The following SLC30A8 variants were observed in gnomAD, a reference collection of about 807,000 sequenced individuals.
SLC30A8 encodes solute carrier family 30 member 8, also known as proton-coupled zinc antiporter SLC30A8.
In SLC30A8, 27 loss-of-function variants were observed where a neutral mutation model predicts 36.9. The ratio of observed to expected loss-of-function variants is 0.73; its 90% CI spans 0.54 to 1.01. The LOEUF (loss-of-function observed/expected upper bound fraction) is 1.01. SLC30A8 is among the 50% of genes least tolerant of loss of function. The probability of loss-of-function intolerance (pLI) is 0.00; values close to 1 mark genes in which losing one functional copy is unlikely to be tolerated. For missense variants in SLC30A8, 439 were observed against 452.0 expected, an observed-to-expected ratio of 0.97 and a Z score of 0.26; for synonymous variants, 164 against 172.4, an observed-to-expected ratio of 0.95 and a Z score of 0.38.
intron 1 of SLC30A8, among the ~76,000 whole-genome samples, chr8:116,986,221 T>C (rs1010631242): frequency 1.3e-5 from 2 of 151,988 alleles, no homozygotes; most frequent in African/African-American, 4.8e-5. Flanking sequence ...CCCACACATA[T>C]ATGTGTTCAT....
intron 1 of SLC30A8, among the ~76,000 whole-genome samples, chr8:116,961,196 G>A (rs559966088): frequency 3.0e-4 from 46 of 152,316 alleles, no homozygotes; most frequent in African/African-American, 9.9e-4. Flanking sequence ...TTGGGAGGCC[G>A]AGGTGGTTGG....
chr8:116,992,296 C>T (rs562473318), intron 1 of SLC30A8, among the ~76,000 whole-genome samples: 5 of 152,052 alleles, frequency 3.3e-5, no homozygotes, highest in South Asian at 4.2e-4. Flanking sequence ...TTGCAATGAG[C>T]GAGTAACTTG....
chr8:117,132,029 A>G (rs1432704991), upstream of SLC30A8, among the ~76,000 whole-genome samples: 1 of 152,032 alleles, frequency 6.6e-6, no homozygotes, highest in Non-Finnish European at 1.5e-5. Flanking sequence ...CCAACAGGAA[A>G]AAGCAAAACA....
At chr8:116,968,034 T>A (rs1814659053) in intron 1 of SLC30A8, among the ~76,000 whole-genome samples, 1 of 152,162 alleles carries the variant, frequency 6.6e-6, no homozygotes, top group Non-Finnish European at 1.5e-5. Flanking sequence ...AATCTGAGAT[T>A]ACCTGCAGAT....
At chr8:117,143,665 AACACACAC>A (rs58613241) in intron 1 of SLC30A8, among the ~76,000 whole-genome samples, 9 of 146,188 alleles carry the variant, frequency 6.2e-5, no homozygotes, top group African/African-American at 1.0e-4. Context: ...TCTCCCATAA[AACACACAC>A]ACACACACAC....
intron 2 of SLC30A8, among the ~76,000 whole-genome samples, chr8:117,080,353 C>A (rs1044894786): frequency 6.6e-6 from 1 of 151,482 alleles, no homozygotes; most frequent in Non-Finnish European, 1.5e-5. Flanking sequence ...ATTTTAGATT[C>A]GGGGATACAC....
chr8:117,154,291 CTG>C (rs1298463744), intron 3 of SLC30A8, among the ~76,000 whole-genome samples: 1 of 151,554 alleles, frequency 6.6e-6, no homozygotes, highest in East Asian at 2.0e-4. Flanking sequence ...TTCTTCTCCT[CTG>C]TGTTATTCCT....
At chr8:117,149,174 T>G (rs1248548149) in intron 2 of SLC30A8, among the ~76,000 whole-genome samples, 2 of 152,266 alleles carry the variant, frequency 1.3e-5, no homozygotes, top group African/African-American at 2.4e-5. Flanking sequence ...ATGAAATGTT[T>G]CTTTGTTTCA....
intron 2 of SLC30A8, among the ~76,000 whole-genome samples, chr8:117,043,920 G>C (rs1000608582): frequency 1.3e-5 from 2 of 152,214 alleles, no homozygotes; most frequent in African/African-American, 4.8e-5. Flanking sequence ...GCAACTTTAA[G>C]CTACAGGCTA....
chr8:117,110,407 G>A (rs112072936), intron 2 of SLC30A8, among the ~76,000 whole-genome samples: 4 of 152,292 alleles, frequency 2.6e-5, no homozygotes, highest in South Asian at 2.1e-4. Context: ...AGGAAATGAC[G>A]TAAGGTCACC....
At position 117,172,497 on chromosome 8, in the gene SLC30A8, G is replaced by GCAAT. The variant is rs1475073416; in HGVS notation, c.965-36_965-33dup. On this transcript the variant is annotated intron_variant, in intron 7 of 7. Coordinates refer to ENST00000456015, the MANE Select transcript of SLC30A8 (RefSeq NM_173851.3). ...AGTCAGAGCAGTCGCCCATGCGTGT[G>GCAAT]CAATCAGTGCTAATCTCCCTGTGCT... is the stretch of plus-strand genomic sequence containing the variant. 3.1e-6 allele frequency: 5 copies of GCAAT among 1,613,152 alleles called. No individual in the cohort carries two copies. In the South Asian group the frequency reaches 3.3e-5, roughly 11 times the overall value.
chr8:117,076,365 A>G (rs1377701301), intron 2 of SLC30A8, among the ~76,000 whole-genome samples: 1 of 152,194 alleles, frequency 6.6e-6, no homozygotes, highest in Non-Finnish European at 1.5e-5. Context: ...AGGCAAGACA[A>G]CCAAAGGTAA....
At chr8:117,025,506 A>G (rs929397076) in intron 1 of SLC30A8, among the ~76,000 whole-genome samples, 4 of 152,230 alleles carry the variant, frequency 2.6e-5, no homozygotes, top group Admixed American at 6.5e-5. Flanking sequence ...ATATATTTTG[A>G]GTGAATGAAT....
chr8:116,999,223 C>T (rs1815922336), intron 1 of SLC30A8, among the ~76,000 whole-genome samples: 2 of 152,120 alleles, frequency 1.3e-5, no homozygotes, highest in South Asian at 4.1e-4. Flanking sequence ...CATGCCATTG[C>T]GCTCCAGCCT....
At chr8:117,015,315 C>A (rs1816480456) in intron 1 of SLC30A8, among the ~76,000 whole-genome samples, 1 of 152,062 alleles carries the variant, frequency 6.6e-6, no homozygotes, top group African/African-American at 2.4e-5. Flanking sequence ...AGCAAACAGC[C>A]CATTCTTATA....
At chr8:116,991,280 T>C (rs142715914) in intron 1 of SLC30A8, among the ~76,000 whole-genome samples, 210 of 152,188 alleles carry the variant, frequency 1.4e-3, no homozygotes, top group African/African-American at 4.9e-3. Context: ...TCATATGATA[T>C]TCCAAACTAT....
At chr8:117,130,699 A>G (rs1291903391), upstream of SLC30A8, among the ~76,000 whole-genome samples, 1 of 152,002 alleles carries the variant, frequency 6.6e-6, no homozygotes, top group Non-Finnish European at 1.5e-5. Flanking sequence ...TTATATAAAT[A>G]AAAAGACATA....
chr8:117,067,105 T>A (rs760340916), intron 2 of SLC30A8, among the ~76,000 whole-genome samples: 1 of 152,090 alleles, frequency 6.6e-6, no homozygotes, highest in African/African-American at 2.4e-5. Context: ...GAAAAACCCC[T>A]TATAAAACCA....
intron 1 of SLC30A8, among the ~76,000 whole-genome samples, chr8:117,137,266 T>C (rs1821407236): frequency 1.3e-5 from 2 of 152,034 alleles, no homozygotes; most frequent in South Asian, 4.1e-4. Flanking sequence ...GTTCTGTCTC[T>C]ATTAGTTGTG....
Sources: allele counts gnomAD v4.1 joint callset (sites outside exome capture counted in the v4.1 genomes callset), GRCh38; gene constraint gnomAD v4.1.1; transcripts MANE v1.5; gene names NCBI Gene and HGNC (gene_info 2026-07-23, HGNC 2026-07-21).